The following PTPRT variants were observed in gnomAD, a reference collection of about 807,000 sequenced individuals.
PTPRT encodes the protein protein tyrosine phosphatase receptor type T.
A neutral mutation model predicts 176.8 loss-of-function variants in PTPRT; 56 were observed. The ratio of observed to expected loss-of-function variants is 0.32; its 90% CI spans 0.26 to 0.40. PTPRT has a LOEUF of 0.40. PTPRT is among the 10% of genes least tolerant of loss of function. The probability of loss-of-function intolerance (pLI) is 1.00; values close to 1 mark genes in which losing one functional copy is unlikely to be tolerated. For synonymous variants in PTPRT, 783 were observed against 739.0 expected, an observed-to-expected ratio of 1.06 and a Z score of -0.96; for missense variants, 1,540 against 1,908.2, an observed-to-expected ratio of 0.81 and a Z score of 3.60.
At chr20:42,390,995 G>A (rs1231408228) in intron 9 of PTPRT, among the ~76,000 whole-genome samples, 1 of 152,094 alleles carries the variant, frequency 6.6e-6, no homozygotes, top group Non-Finnish European at 1.5e-5. Flanking sequence ...AAGTTACTTA[G>A]GTCTTTTCAT....
chr20:42,372,267 G>A (rs2058596003), intron 9 of PTPRT, among the ~76,000 whole-genome samples: 1 of 147,742 alleles, frequency 6.8e-6, no homozygotes, highest in Non-Finnish European at 1.5e-5. Context: ...AGAAGACAGG[G>A]TTTTCTTAAC....
chr20:42,704,400 T>C (rs1034039317), intron 6 of PTPRT, among the ~76,000 whole-genome samples: 1 of 150,458 alleles, frequency 6.6e-6, no homozygotes, highest in Non-Finnish European at 1.5e-5. Context: ...GGTGTGTTCC[T>C]AATGGTCTTT....
At chr20:42,773,820 A>T (rs2077096581) in intron 4 of PTPRT, among the ~76,000 whole-genome samples, 1 of 152,196 alleles carries the variant, frequency 6.6e-6, no homozygotes, top group African/African-American at 2.4e-5. Context: ...GGGAGTGCAG[A>T]GTCTTAGCTC....
At chr20:42,710,459 C>T (rs1569102716) in intron 6 of PTPRT, among the ~76,000 whole-genome samples, 1 of 152,258 alleles carries the variant, frequency 6.6e-6, no homozygotes, top group African/African-American at 2.4e-5. Flanking sequence ...GCCCCAGATA[C>T]AGCTCAGGTT....
chr20:42,730,397 C>A (rs987376022), intron 6 of PTPRT, among the ~76,000 whole-genome samples: 11 of 152,136 alleles, frequency 7.2e-5, no homozygotes, highest in Non-Finnish European at 1.6e-4. Context: ...GAGAGAGGCA[C>A]TGGAGGCCTG....
intron 7 of PTPRT, among the ~76,000 whole-genome samples, chr20:42,551,599 G>A (rs1424935591): frequency 3.3e-5 from 5 of 152,072 alleles, no homozygotes; most frequent in South Asian, 2.1e-4. Context: ...TTTAGTGTTC[G>A]TGTCTACATC....
chr20:42,317,088 T>C (rs1283126847), intron 11 of PTPRT, among the ~76,000 whole-genome samples: 1 of 152,122 alleles, frequency 6.6e-6, no homozygotes, highest in Non-Finnish European at 1.5e-5. Flanking sequence ...TGAATGCTTG[T>C]TCAAATGAAT....
At chr20:42,380,827 A>G (rs1444909876) in intron 9 of PTPRT, among the ~76,000 whole-genome samples, 3 of 152,196 alleles carry the variant, frequency 2.0e-5, no homozygotes, top group African/African-American at 7.2e-5. Context: ...GCATTGCTAT[A>G]AAGAAATACC....
rs545172156 is a variant in PTPRT at position 43,060,316 on chromosome 20, C to G, written c.88+129330G>C. Among the ~76,000 whole-genome samples the G allele has an allele frequency of 1.1e-3, 175 of 152,310 alleles. 1 individual carries two copies. The highest frequency in any genetic ancestry group is 3.9e-3 in the African/African-American group (162 of 41,568). ...TCTGTGTCTGGTGAGGACCTGCGTC[C>G]TGGAACATGGATGGTCTTCCTCTTG... On this transcript the variant is annotated intron_variant, in intron 1 of 30. Coordinates refer to ENST00000373187, the MANE Select transcript of PTPRT (RefSeq NM_007050.6).
At chr20:42,362,137 A>G (rs1223226277) in intron 9 of PTPRT, among the ~76,000 whole-genome samples, 1 of 152,134 alleles carries the variant, frequency 6.6e-6, no homozygotes, top group Non-Finnish European at 1.5e-5. Flanking sequence ...ATGGTGGTGC[A>G]TGCCTGTAGT....
At chr20:42,300,767 ATTATTATTATTAT>A (rs2145308619) in intron 12 of PTPRT, among the ~76,000 whole-genome samples, 1 of 148,996 alleles carries the variant, frequency 6.7e-6, no homozygotes, top group East Asian at 1.9e-4. Context: ...TATTATTATT[ATTATTATTATTAT>A]TTATTATTAT....
chr20:42,535,439 T>C lies in PTPRT; in HGVS notation c.1154-62877A>G, dbSNP rs937563909. ...CCCTGTAATATGCAGTTTACCTATA[T>C]AGCACACCTTCCCATCTACCCCAGA... On this transcript the variant is annotated intron_variant, in intron 7 of 30. Coordinates refer to ENST00000373187, the MANE Select transcript of PTPRT (RefSeq NM_007050.6). 5.3e-5 allele frequency among the ~76,000 whole-genome samples: 8 copies of C among 152,278 alleles called. No individual in the cohort carries two copies. In the East Asian group the frequency reaches 1.5e-3, roughly 29 times the overall value.
intron 16 of PTPRT, among the ~76,000 whole-genome samples, chr20:42,198,624 C>T (rs1359563159): frequency 6.6e-6 from 1 of 152,216 alleles, no homozygotes; most frequent in Non-Finnish European, 1.5e-5. Flanking sequence ...ATCTTAACCA[C>T]CCAAATCTTG....
intron 7 of PTPRT, among the ~76,000 whole-genome samples, chr20:42,534,405 G>A (rs886743459): frequency 9.2e-5 from 14 of 152,164 alleles, no homozygotes; most frequent in Admixed American, 4.6e-4. Flanking sequence ...AGGCCGAGGC[G>A]GGTGGATCAT....
At chr20:42,186,871 G>C (rs1045711778) in intron 16 of PTPRT, among the ~76,000 whole-genome samples, 7 of 152,080 alleles carry the variant, frequency 4.6e-5, no homozygotes, top group African/African-American at 1.7e-4. Context: ...TAGATATATC[G>C]AAGATGTAGA....
At chr20:42,219,827 TA>T (rs1253772911) in intron 15 of PTPRT, among the ~76,000 whole-genome samples, 5 of 152,234 alleles carry the variant, frequency 3.3e-5, no homozygotes, top group Non-Finnish European at 7.4e-5. Flanking sequence ...CTAAGTCCTG[TA>T]ACTACCATTA....
intron 1 of PTPRT, among the ~76,000 whole-genome samples, chr20:43,138,187 T>C (rs569105156): frequency 2.0e-5 from 3 of 152,280 alleles, no homozygotes; most frequent in East Asian, 1.9e-4. Flanking sequence ...CTCTGGACAA[T>C]GCAAGGCATG....
chr20:42,409,481 CAAAAAAAAAAAAAAAAAAAAAA>C (rs58932390), intron 9 of PTPRT, among the ~76,000 whole-genome samples: 52,929 of 112,752 alleles, frequency 0.47, 11,854 homozygotes, highest in East Asian at 0.61. Context: ...GACTCTGTCG[CAAAAAAAAAAAAAAAAAAAAAA>C]AAAAAAAAAA....
chr20:43,028,207 C>T (rs184889195), intron 1 of PTPRT, among the ~76,000 whole-genome samples: 24 of 152,228 alleles, frequency 1.6e-4, no homozygotes, highest in Non-Finnish European at 2.8e-4. Context: ...GACTCAGTTA[C>T]GAGCTGCTCT....
Sources: allele counts gnomAD v4.1 joint callset (sites outside exome capture counted in the v4.1 genomes callset), GRCh38; gene constraint gnomAD v4.1.1; transcripts MANE v1.5; gene names NCBI Gene and HGNC (gene_info 2026-07-23, HGNC 2026-07-21).